The following RBFOX1 variants were observed in gnomAD, a reference collection of about 807,000 sequenced individuals.
RBFOX1 encodes RNA binding fox-1 homolog 1.
Under a neutral mutation model 57.7 loss-of-function variants are expected in RBFOX1, and 8 were observed. That is an observed-to-expected ratio of 0.14 (90% confidence interval 0.08 to 0.25). The LOEUF (loss-of-function observed/expected upper bound fraction) is 0.25. Among genes scored for constraint, RBFOX1 ranks in the 10% least tolerant of loss-of-function variants. RBFOX1 has a pLI of 1.00. For synonymous variants in RBFOX1, 326 were observed against 222.4 expected (o/e 1.47, Z -4.15); for missense variants, 611 against 548.5 (o/e 1.11, Z -1.14).
intron 4 of RBFOX1, among the ~76,000 whole-genome samples, chr16:7,379,812 C>G (rs1568514582): frequency 6.6e-6 from 1 of 151,420 alleles, no homozygotes; most frequent in Non-Finnish European, 1.5e-5. Flanking sequence ...CTGCCTGCCT[C>G]CCTCCCTCCC....
intron 2 of RBFOX1, among the ~76,000 whole-genome samples, chr16:6,467,096 A>T (rs2095066663): frequency 6.6e-6 from 1 of 151,042 alleles, no homozygotes; most frequent in East Asian, 1.9e-4. Flanking sequence ...AATGTAATAT[A>T]ATAAAATTTA....
intron 3 of RBFOX1, among the ~76,000 whole-genome samples, chr16:6,981,242 T>C (rs11864300): frequency 5.1e-4 from 77 of 152,132 alleles, no homozygotes; most frequent in African/African-American, 1.7e-3. Flanking sequence ...TACTCATTCA[T>C]TGTTTTTTGT....
chr16:7,498,064 G>C (rs925287627), intron 4 of RBFOX1, among the ~76,000 whole-genome samples: 2 of 152,222 alleles, frequency 1.3e-5, no homozygotes, highest in African/African-American at 4.8e-5. Flanking sequence ...TTGGTAAAGT[G>C]AAAGTTATGT....
intron 1 of RBFOX1, among the ~76,000 whole-genome samples, chr16:5,306,285 C>T (rs554944009): frequency 3.2e-4 from 48 of 151,914 alleles, no homozygotes; most frequent in African/African-American, 9.9e-4. Flanking sequence ...ACTAATATTC[C>T]AGATACTCCC....
chr16:6,191,945 C>T lies in RBFOX1; in HGVS notation c.-126-125050C>T, dbSNP rs544290280. On this transcript the variant is annotated intron_variant, in intron 1 of 15. Coordinates refer to ENST00000550418, the MANE Select transcript of RBFOX1 (RefSeq NM_018723.4). Reference sequence around the variant, plus strand: ...TAGTAACCAAGGGGTTAGTATCAGCCTTGGAATTCTGTAAATATGTCTTGG... The same window carrying T: ...TAGTAACCAAGGGGTTAGTATCAGCTTTGGAATTCTGTAAATATGTCTTGG... 6.4e-3 allele frequency among the ~76,000 whole-genome samples: 977 copies of T among 152,180 alleles called. 3 individuals are homozygous for T. Among genetic ancestry groups the T allele is most frequent in the Admixed American group, 0.014 (213 of 15,276 alleles).
intron 3 of RBFOX1, among the ~76,000 whole-genome samples, chr16:5,844,801 C>G (rs1431920031): frequency 1.3e-5 from 2 of 152,150 alleles, no homozygotes; most frequent in Non-Finnish European, 2.9e-5. Context: ...CTATCATTGT[C>G]AGGAGCCAAC....
At chr16:5,884,067 G>A (rs7204133) in intron 4 of RBFOX1, among the ~76,000 whole-genome samples, 55,984 of 152,034 alleles carry the variant, frequency 0.37, 10,771 homozygotes, top group African/African-American at 0.48. Flanking sequence ...TCTGAAAGAT[G>A]GGGATAATCA....
chr16:6,738,195 G>T (rs1053254062), intron 3 of RBFOX1, among the ~76,000 whole-genome samples: 28 of 152,012 alleles, frequency 1.8e-4, no homozygotes, highest in Admixed American at 3.9e-4. Context: ...ACAATGGTTT[G>T]CATAACACTG....
chr16:6,682,993 C>A (rs1198500578), intron 3 of RBFOX1, among the ~76,000 whole-genome samples: 1 of 151,806 alleles, frequency 6.6e-6, no homozygotes, highest in African/African-American at 2.4e-5. Context: ...GAGTGCTTTA[C>A]ACAGCTGGGC....
intron 4 of RBFOX1, among the ~76,000 whole-genome samples, chr16:7,056,502 A>G (rs2052325345): frequency 6.6e-6 from 1 of 152,198 alleles, no homozygotes; most frequent in Non-Finnish European, 1.5e-5. Flanking sequence ...ATAGTCGTAC[A>G]GTGACCATAT....
intron 4 of RBFOX1, among the ~76,000 whole-genome samples, chr16:5,895,412 C>T (rs994270261): frequency 6.6e-6 from 1 of 152,242 alleles, no homozygotes; most frequent in Admixed American, 6.5e-5. Flanking sequence ...TCTTAGTCAA[C>T]TCATGGCTGG....
At chr16:5,617,256 C>G (rs2048059204) in intron 3 of RBFOX1, among the ~76,000 whole-genome samples, 1 of 152,196 alleles carries the variant, frequency 6.6e-6, no homozygotes, top group Non-Finnish European at 1.5e-5. Context: ...ACTTCCCTAC[C>G]TGGAAAGCTC....
At chr16:6,730,812 A>T (rs7196772) in intron 3 of RBFOX1, among the ~76,000 whole-genome samples, 1 of 152,164 alleles carries the variant, frequency 6.6e-6, no homozygotes, top group Non-Finnish European at 1.5e-5. Context: ...GGAGTTTCTC[A>T]TATGTGGCTG....
chr16:6,893,606 A>T (rs1187649406), intron 3 of RBFOX1, among the ~76,000 whole-genome samples: 1 of 152,194 alleles, frequency 6.6e-6, no homozygotes, highest in African/African-American at 2.4e-5. Context: ...TCCAGTTTTT[A>T]TATAAGGAGA....
intron 10 of RBFOX1, among the ~76,000 whole-genome samples, chr16:7,622,654 T>C (rs1310307768): frequency 6.6e-6 from 1 of 152,104 alleles, no homozygotes; most frequent in African/African-American, 2.4e-5. Flanking sequence ...AACCAAAGCT[T>C]ATGAAAATAA....
At chr16:6,722,472 G>A (rs1054348825) in intron 3 of RBFOX1, among the ~76,000 whole-genome samples, 1 of 151,878 alleles carries the variant, frequency 6.6e-6, no homozygotes, top group Non-Finnish European at 1.5e-5. Flanking sequence ...TCTGATGAAA[G>A]CGGCATATTC....
intron 3 of RBFOX1, among the ~76,000 whole-genome samples, chr16:6,763,455 C>G (rs779045245): frequency 1.3e-5 from 2 of 152,184 alleles, no homozygotes; most frequent in African/African-American, 4.8e-5. Context: ...CTGTCTTATT[C>G]ATGGATATTT....
At chr16:7,448,351 A>G (rs1217438132) in intron 4 of RBFOX1, among the ~76,000 whole-genome samples, 1 of 152,192 alleles carries the variant, frequency 6.6e-6, no homozygotes, top group East Asian at 1.9e-4. Flanking sequence ...ACAAAGAAAA[A>G]GAGGTTCAGT....
At chr16:5,404,460 G>C (rs1438867786) in intron 1 of RBFOX1, among the ~76,000 whole-genome samples, 1 of 152,166 alleles carries the variant, frequency 6.6e-6, no homozygotes, top group Non-Finnish European at 1.5e-5. Context: ...AGTTTCTCCC[G>C]ATCAGTGATC....
Sources: gnomAD v4.1 joint callset for allele counts (sites outside exome capture counted in the v4.1 genomes callset) on GRCh38, gnomAD v4.1.1 for gene constraint, MANE v1.5 for transcripts, NCBI Gene and HGNC (gene_info 2026-07-23, HGNC 2026-07-21) for gene names.